The following WFDC9 variants were observed in gnomAD, a reference collection of about 807,000 sequenced individuals.
WFDC9 encodes the protein protein WFDC9.
WFDC9 carries 9 observed loss-of-function variants against 9.5 expected under a neutral mutation model. That is an observed-to-expected ratio of 0.95 (90% CI 0.57 to 1.65). The LOEUF is 1.65. Ranked by LOEUF, WFDC9 falls within the 40% of genes most tolerant of loss-of-function variation. The pLI is 0.00. For missense variants in WFDC9, 87 were observed against 106.7 expected, an observed-to-expected ratio of 0.82 and a Z score of 0.81; for synonymous variants, 33 against 32.3, an observed-to-expected ratio of 1.02 and a Z score of -0.07.
intron 2 of WFDC9, 62 bp from the exon 3 acceptor site, chr20:45,610,301 G>T: frequency 1.3e-6 from 1 of 785,242 alleles, no homozygotes; most frequent in Non-Finnish European, 2.1e-6. Context: ...AAGTGCTTAT[G>T]ACTATCATGT....
At chr20:45,614,401 A>G (rs1981928633) in intron 2 of WFDC9, among the ~76,000 whole-genome samples, 1 of 152,214 alleles carries the variant, frequency 6.6e-6, no homozygotes, top group Non-Finnish European at 1.5e-5. Flanking sequence ...AATGTTAAAG[A>G]GGACAGAGTG....
At chr20:45,616,924 C>G (rs943868704) in intron 1 of WFDC9, among the ~76,000 whole-genome samples, 1 of 152,180 alleles carries the variant, frequency 6.6e-6, no homozygotes, top group Non-Finnish European at 1.5e-5. Flanking sequence ...AGCTTTGGCT[C>G]ATTATTACTT....
chr20:45,630,950 C>G, intron 1 of WFDC9: 2 of 1,612,296 alleles, frequency 1.2e-6, no homozygotes, highest in South Asian at 1.1e-5. Context: ...TGAATCTCAC[C>G]GAGATTGTCA....
At chr20:45,615,594 A>G (rs1439439780) in intron 1 of WFDC9, among the ~76,000 whole-genome samples, 2 of 152,196 alleles carry the variant, frequency 1.3e-5, no homozygotes, top group African/African-American at 4.8e-5. Context: ...TATGAAAAGT[A>G]TGTTTTCCTG....
chr20:45,620,708 A>G (rs1198363755), intron 1 of WFDC9, among the ~76,000 whole-genome samples: 1 of 152,130 alleles, frequency 6.6e-6, no homozygotes, highest in Non-Finnish European at 1.5e-5. Context: ...AGGTTTCTTG[A>G]TCTGTTTTTC....
intron 1 of WFDC9, among the ~76,000 whole-genome samples, chr20:45,619,108 T>G (rs1982036565): frequency 6.6e-6 from 1 of 152,160 alleles, no homozygotes; most frequent in African/African-American, 2.4e-5. Context: ...TGAAGGAAAT[T>G]TTGACAGGGA....
intron 1 of WFDC9, chr20:45,629,964 T>G: frequency 6.3e-7 from 1 of 1,589,406 alleles, no homozygotes; most frequent in Non-Finnish European, 8.6e-7. Flanking sequence ...GGAGGGCCTG[T>G]GTCCAGTCTG....
rs764599219 is a variant in WFDC9, at chr20:45,608,800, C to T, written c.102G>A (p.Met34Ile). 1 of 1,611,904 alleles carries T rather than the reference C, an allele frequency of 6.2e-7. No individual in the cohort carries two copies. The highest frequency in any genetic ancestry group is 8.5e-7 in the Non-Finnish European group (1 of 1,179,046). Residue 34 changes from methionine (M) to isoleucine (I), a missense_variant, in exon 4 of 5, where the codon ATG becomes ATA. By Grantham distance (10) the Met-to-Ile change is conservative. Transcript: ENST00000326000. Reference sequence around the variant, plus strand: ...CCCAGCACTGCTCAGTTTCTCTTATCATATCTAGAACTGAGATGGAAGAAG... The same window carrying T: ...CCCAGCACTGCTCAGTTTCTCTTATTATATCTAGAACTGAGATGGAAGAAG... Reference protein sequence around the residue: ...SFWNKDPFLDMIRETEQCWVQ... With the variant: ...SFWNKDPFLDIIRETEQCWVQ...
chr20:45,608,202 T>A, intron 4 of WFDC9, 62 bp from the exon 5 acceptor site: 1 of 1,525,914 alleles, frequency 6.6e-7, no homozygotes, highest in Non-Finnish European at 9.0e-7. Context: ...CTAAAATTAA[T>A]AGCATCCTAG....
At chr20:45,627,553 G>A (rs900381359) in intron 1 of WFDC9, among the ~76,000 whole-genome samples, 1 of 152,108 alleles carries the variant, frequency 6.6e-6, no homozygotes, top group East Asian at 1.9e-4. Context: ...GTGGTAGGTT[G>A]TATGTGTTCA....
At chr20:45,626,679 T>C (rs1301725702) in intron 1 of WFDC9, among the ~76,000 whole-genome samples, 1 of 152,244 alleles carries the variant, frequency 6.6e-6, no homozygotes, top group Non-Finnish European at 1.5e-5. Context: ...TACAGGTTTC[T>C]TGGTAGAGTC....
chr20:45,626,836 G>A (rs1982228815), intron 1 of WFDC9, among the ~76,000 whole-genome samples: 1 of 152,202 alleles, frequency 6.6e-6, no homozygotes, highest in Admixed American at 6.5e-5. Flanking sequence ...TGGGTAAAGT[G>A]AGCAGCATGC....
At chr20:45,614,359 C>G (rs1326799542) in intron 2 of WFDC9, among the ~76,000 whole-genome samples, 1 of 152,168 alleles carries the variant, frequency 6.6e-6, no homozygotes. Flanking sequence ...AGACACAGAA[C>G]TACTGCTCTC....
intron 1 of WFDC9, among the ~76,000 whole-genome samples, chr20:45,627,878 T>A (rs866625342): frequency 3.1e-4 from 47 of 152,230 alleles, no homozygotes; most frequent in Non-Finnish European, 4.4e-4. Context: ...AGACTTTTTT[T>A]ATAGCCTAAT....
intron 1 of WFDC9, 165 bp downstream of exon 1, chr20:45,631,026 AGTGGGCTGGGAT>A (rs1310808122): frequency 6.3e-7 from 1 of 1,591,484 alleles, no homozygotes; most frequent in Non-Finnish European, 8.6e-7. Context: ...TGAGTGGGAG[AGTGGGCTGGGAT>A]GTGCATCCTG....
intron 1 of WFDC9, among the ~76,000 whole-genome samples, chr20:45,627,452 C>G (rs1187969296): frequency 6.6e-6 from 1 of 152,156 alleles, no homozygotes; most frequent in Non-Finnish European, 1.5e-5. Context: ...TGGTTCTGGA[C>G]TTTTGTTTCA....
Position 45,607,986 on chromosome 20 carries a change from G to T in WFDC9, c.*124C>A. 1.8e-6 allele frequency: 2 copies of T among 1,087,792 alleles called. No individual in the cohort carries two copies. The highest frequency in any genetic ancestry group is 2.8e-6 in the Non-Finnish European group (2 of 719,142). The allele number at this position is 1,087,792 out of a possible 1,614,324, so 67.4% of individuals were successfully genotyped here. On this transcript the variant is annotated 3_prime_UTR_variant, in exon 5 of 5. Transcript: ENST00000326000. ...TTGACAAAAGCTTCAGGGTAAAGAG[G>T]TCAAGGAAATAGCAGAAAGGTTACC... is the stretch of plus-strand genomic sequence containing the variant.
chr20:45,623,563 G>A (rs978504865), intron 1 of WFDC9, among the ~76,000 whole-genome samples: 1 of 151,592 alleles, frequency 6.6e-6, no homozygotes, highest in Admixed American at 6.6e-5. Flanking sequence ...GGGGGCGGAG[G>A]TTGCAGTGAG....
Position 45,610,144 on chromosome 20 carries a change from G to C in WFDC9, c.38C>G (p.Ser13Cys). The C allele has an allele frequency of 1.2e-6, 2 of 1,614,106 alleles. No homozygotes were observed. Among genetic ancestry groups the C allele is most frequent in the South Asian group, 2.2e-5 (2 of 91,072 alleles). The change falls in exon 3 of 5, where the codon TCT becomes TGT. Residue 13 changes from serine to cysteine, a missense_variant. Physicochemically the swap from Ser to Cys is moderately radical, Grantham distance 112 (BLOSUM62 -1). Transcript: ENST00000326000. ...PWILLLVMFI[S>C]GVVMLLPVLG... ...CACAGGCAGAAGCATCACAACTCCA[G>C]AGATGAACATGACGAGTAGAAGAAT...
Sources: allele counts gnomAD v4.1 joint callset (sites outside exome capture counted in the v4.1 genomes callset), GRCh38; gene constraint gnomAD v4.1.1; transcripts MANE v1.5; gene names NCBI Gene and HGNC (gene_info 2026-07-23, HGNC 2026-07-21).